Variants in STIM1 observed in about 807,000 individuals in gnomAD.
The protein encoded by STIM1 is stromal interaction molecule 1.
In STIM1, 25 loss-of-function variants were observed where a neutral mutation model predicts 74.7. That is an observed-to-expected ratio of 0.33 (90% confidence interval 0.24 to 0.47). The LOEUF (loss-of-function observed/expected upper bound fraction) is 0.47. STIM1 is among the 20% of genes least tolerant of loss of function. The probability of loss-of-function intolerance (pLI) is 1.00; values close to 1 mark genes in which losing one functional copy is unlikely to be tolerated. For synonymous variants in STIM1, 328 were observed against 348.8 expected (o/e 0.94, Z 0.66); for missense variants, 728 against 920.8 (o/e 0.79, Z 2.71).
intron 1 of STIM1, among the ~76,000 whole-genome samples, chr11:3,930,257 G>C (rs1475920209): frequency 6.6e-6 from 1 of 152,188 alleles, no homozygotes; most frequent in African/African-American, 2.4e-5. Context: ...TTGTGAGATA[G>C]ATATTCTCAT....
At chr11:4,065,457 A>C (rs2094359134) in intron 5 of STIM1, among the ~76,000 whole-genome samples, 1 of 147,768 alleles carries the variant, frequency 6.8e-6, no homozygotes, top group South Asian at 2.1e-4. Context: ...GTAGGAACCC[A>C]CAGCCCTTTG....
At chr11:4,022,557 G>A (rs1316468316) in intron 2 of STIM1, among the ~76,000 whole-genome samples, 1 of 152,020 alleles carries the variant, frequency 6.6e-6, no homozygotes, top group Admixed American at 6.6e-5. Flanking sequence ...CCAGATTTTA[G>A]AAGAAAAGCT....
At chr11:4,083,104 C>A in intron 9 of STIM1, 122 bp downstream of exon 9, 1 of 1,169,686 alleles carries the variant, frequency 8.5e-7, no homozygotes, top group Non-Finnish European at 1.3e-6. Flanking sequence ...TGGTCTCCTG[C>A]CTCAGCCTTT....
At chr11:3,991,974 A>AAAAAAAAAAAAAAAAG (rs2093617447) in intron 2 of STIM1, among the ~76,000 whole-genome samples, 35 of 44,472 alleles carry the variant, frequency 7.9e-4, no homozygotes, top group Middle Eastern at 0.022. Context: ...AAAAAAAAAG[A>AAAAAAAAAAAAAAAAG]AAAAAAAAAA....
Position 4,082,819 on chromosome 11 carries a change from C to T in STIM1, c.1138-63C>T. 3.5e-6 allele frequency: 5 copies of T among 1,409,526 alleles called. No homozygotes were observed. The South Asian group carries it at 5.8e-5, about 16-fold the overall frequency. 87.3% of individuals were successfully genotyped at this position (1,409,526 alleles called of 1,614,324 possible). A position where few individuals can be genotyped will look rare whatever the true frequency, so the allele number is the denominator to read the frequency against. ...GTGGGCCCCAGCCATAGGGGAAGGC[C>T]TTTCTCATTTATTCCATTCTCGAAT... is the stretch of plus-strand genomic sequence containing the variant. On this transcript the variant is annotated intron_variant, in intron 8 of 12. Transcript: ENST00000526596.
chr11:3,888,938 TG>T (rs1036927464), intron 1 of STIM1, among the ~76,000 whole-genome samples: 1 of 151,812 alleles, frequency 6.6e-6, no homozygotes, highest in Non-Finnish European at 1.5e-5. Context: ...GGCTTTACTA[TG>T]GGGGTGGAGC....
intron 1 of STIM1, among the ~76,000 whole-genome samples, chr11:3,934,425 T>C (rs777633174): frequency 2.6e-5 from 4 of 152,206 alleles, no homozygotes; most frequent in Non-Finnish European, 5.9e-5. Flanking sequence ...ATCTCTTCTC[T>C]CTGGAGGTTG....
intron 1 of STIM1, among the ~76,000 whole-genome samples, chr11:3,920,260 C>A (rs1405952968): frequency 3.3e-5 from 5 of 151,936 alleles, no homozygotes; most frequent in African/African-American, 1.2e-4. Flanking sequence ...TGTGCCCCGC[C>A]CAATTTGGTG....
chr11:3,957,863 C>A (rs2093235657), intron 1 of STIM1, among the ~76,000 whole-genome samples: 1 of 152,034 alleles, frequency 6.6e-6, no homozygotes, highest in Non-Finnish European at 1.5e-5. Context: ...TCAAGCCTGG[C>A]CAATGGATTA....
At chr11:3,856,451 C>G (rs1210339467) in intron 1 of STIM1, 42 bp downstream of exon 1, 1 of 1,602,062 alleles carries the variant, frequency 6.2e-7, no homozygotes, top group South Asian at 1.1e-5. Context: ...GAGGCTTTGG[C>G]TCAGGACTGA....
intron 1 of STIM1, among the ~76,000 whole-genome samples, chr11:3,881,357 A>G (rs1181348179): frequency 6.6e-6 from 1 of 151,980 alleles, no homozygotes; most frequent in Non-Finnish European, 1.5e-5. Flanking sequence ...TATTGATCAT[A>G]TGATTATTTT....
chr11:3,902,928 C>T (rs527528081), intron 1 of STIM1, among the ~76,000 whole-genome samples: 1 of 152,216 alleles, frequency 6.6e-6, no homozygotes, highest in South Asian at 2.1e-4. Context: ...TGAAATGGGA[C>T]AGGGCAACAT....
chr11:4,055,410 A>G lies in STIM1; in HGVS notation c.386-116A>G, dbSNP rs190436143. 222 of 789,870 alleles carry G rather than the reference A, an allele frequency of 2.8e-4. 2 individuals are homozygous for G. The African/African-American group carries it at 3.3e-3, about 12-fold the overall frequency. 48.9% of individuals were successfully genotyped at this position (789,870 alleles called of 1,614,324 possible). On this transcript the variant is annotated intron_variant, in intron 3 of 12. Transcript: ENST00000526596. ...ATACTCCTTTCATACTTAGTATTTT[A>G]TGGGACAGATAGATATTAAACACAC...
At chr11:4,005,993 T>G (rs2093776286) in intron 2 of STIM1, among the ~76,000 whole-genome samples, 1 of 152,222 alleles carries the variant, frequency 6.6e-6, no homozygotes. Context: ...GGTAAACTTT[T>G]CAGATCTGGA....
chr11:3,980,661 A>G (rs1384531702), intron 2 of STIM1, among the ~76,000 whole-genome samples: 1 of 151,542 alleles, frequency 6.6e-6, no homozygotes, highest in Non-Finnish European at 1.5e-5. Flanking sequence ...CTGGAACAAA[A>G]CAACAACAAC....
intron 2 of STIM1, among the ~76,000 whole-genome samples, chr11:4,008,500 A>G (rs992901047): frequency 8.5e-5 from 13 of 152,236 alleles, no homozygotes; most frequent in Admixed American, 7.9e-4. Flanking sequence ...AATATGAAAC[A>G]CTGAAATAAA....
At chr11:3,986,561 A>T (rs1283329845) in intron 2 of STIM1, among the ~76,000 whole-genome samples, 1 of 152,174 alleles carries the variant, frequency 6.6e-6, no homozygotes, top group Non-Finnish European at 1.5e-5. Flanking sequence ...TTCTGACTGA[A>T]GGTATGTCAG....
intron 1 of STIM1, among the ~76,000 whole-genome samples, chr11:3,954,106 G>C (rs148640941): frequency 6.6e-6 from 1 of 152,126 alleles, no homozygotes; most frequent in African/African-American, 2.4e-5. Flanking sequence ...AAGTCAAGTT[G>C]TGTGAGATGC....
At chr11:4,070,801 C>A (rs1296191427) in intron 6 of STIM1, among the ~76,000 whole-genome samples, 1 of 152,118 alleles carries the variant, frequency 6.6e-6, no homozygotes, top group Non-Finnish European at 1.5e-5. Context: ...AATGTGACTT[C>A]AAAACTATGG....
Sources: allele counts gnomAD v4.1 joint callset (sites outside exome capture counted in the v4.1 genomes callset), GRCh38; gene constraint gnomAD v4.1.1; transcripts MANE v1.5; gene names NCBI Gene and HGNC (gene_info 2026-07-23, HGNC 2026-07-21).